PITPNA: variants seen among roughly 807,000 people sequenced by gnomAD.
The protein encoded by PITPNA is phosphatidylinositol transfer protein alpha isoform.
PITPNA carries 13 observed loss-of-function variants against 50.3 expected under a neutral mutation model. The observed-to-expected ratio is 0.26, with a 90% CI of 0.17 to 0.41. PITPNA has a LOEUF of 0.41. Among genes scored for constraint, PITPNA ranks in the 10% least tolerant of loss-of-function variants. The probability of loss-of-function intolerance (pLI) is 1.00; values close to 1 mark genes in which losing one functional copy is unlikely to be tolerated. For missense variants in PITPNA, 207 were observed against 333.4 expected, an observed-to-expected ratio of 0.62 and a Z score of 2.95; for synonymous variants, 120 against 119.6, an observed-to-expected ratio of 1.00 and a Z score of -0.02.
At chr17:1,539,259 C>T (rs2075635235) in intron 6 of PITPNA, among the ~76,000 whole-genome samples, 1 of 151,780 alleles carries the variant, frequency 6.6e-6, no homozygotes, top group Admixed American at 6.6e-5. Flanking sequence ...ATCCTCCTGC[C>T]TCAGCCTCCT....
intron 10 of PITPNA, among the ~76,000 whole-genome samples, chr17:1,527,182 C>G (rs1598403690): frequency 6.6e-6 from 1 of 152,174 alleles, no homozygotes; most frequent in African/African-American, 2.4e-5. Context: ...GCTATACATA[C>G]ACATATAATA....
intron 1 of PITPNA, among the ~76,000 whole-genome samples, chr17:1,560,917 C>T (rs1020373324): frequency 3.3e-5 from 5 of 152,166 alleles, no homozygotes; most frequent in African/African-American, 1.2e-4. Context: ...GTTACCCAAA[C>T]TCCACTCTAT....
rs780453759 is a variant in PITPNA at position 1,550,307 on chromosome 17, G to A, written c.198-1920C>T. Among the ~76,000 whole-genome samples, 8 of 152,326 alleles carry A rather than the reference G, an allele frequency of 5.3e-5. No homozygotes were observed. In the East Asian group the frequency reaches 7.7e-4, roughly 15 times the overall value. On this transcript the variant is annotated intron_variant, in intron 3 of 11. Transcript: ENST00000313486. The stretch of plus-strand genomic sequence containing the variant: ...CGGTGGGCACAGGGCCCTGGGTGGC[G>A]GAGTGCTGTGAGAACACAGTGGGGG...
intron 9 of PITPNA, 49 bp from the exon 10 acceptor site, chr17:1,534,270 G>A (rs1254825895): frequency 1.9e-6 from 3 of 1,611,148 alleles, no homozygotes; most frequent in East Asian, 4.5e-5. Flanking sequence ...AAAGGCTGCT[G>A]CCACAGCCCT....
chr17:1,522,412 G>A (rs1462885616), intron 10 of PITPNA, among the ~76,000 whole-genome samples: 6 of 151,554 alleles, frequency 4.0e-5, no homozygotes, highest in Non-Finnish European at 5.9e-5. Flanking sequence ...TTGCTCTGTC[G>A]CCCAGGCTGG....
chr17:1,546,071 G>A (rs770926760), intron 4 of PITPNA, among the ~76,000 whole-genome samples: 12 of 151,878 alleles, frequency 7.9e-5, no homozygotes, highest in Admixed American at 2.0e-4. Flanking sequence ...GGGGTTACAG[G>A]CATGCACCAC....
At chr17:1,560,527 G>A (rs1196897770) in intron 1 of PITPNA, among the ~76,000 whole-genome samples, 1 of 152,202 alleles carries the variant, frequency 6.6e-6, no homozygotes, top group Non-Finnish European at 1.5e-5. Flanking sequence ...AGGCTTCAAG[G>A]GGAGGAGAAC....
At chr17:1,534,959 C>A (rs995578685) in intron 9 of PITPNA, among the ~76,000 whole-genome samples, 7 of 152,210 alleles carry the variant, frequency 4.6e-5, no homozygotes, top group African/African-American at 1.7e-4. Flanking sequence ...CCATCTTCTT[C>A]ACTGGGCCAA....
intron 8 of PITPNA, 70 bp from the exon 9 acceptor site, chr17:1,535,362 C>T: frequency 6.7e-7 from 1 of 1,503,404 alleles, no homozygotes; most frequent in South Asian, 1.1e-5. Flanking sequence ...CCAGCTCACC[C>T]CAGCCATGCC....
intron 7 of PITPNA, among the ~76,000 whole-genome samples, chr17:1,537,305 T>C (rs2075624146): frequency 6.6e-6 from 1 of 152,124 alleles, no homozygotes; most frequent in South Asian, 2.1e-4. Context: ...CCTCGTGATC[T>C]GCCCACCTTG....
intron 1 of PITPNA, among the ~76,000 whole-genome samples, chr17:1,559,216 CA>C (rs2075755810): frequency 6.6e-6 from 1 of 152,208 alleles, no homozygotes; most frequent in Admixed American, 6.5e-5. Flanking sequence ...ACAAAGCCAC[CA>C]AGAGGGCATT....
In PITPNA at chr17:1,524,347, T is replaced by TC. The variant is rs1238142678; in HGVS notation, c.769-2703_769-2702insG. Among the ~76,000 whole-genome samples the TC allele has an allele frequency of 4.6e-5, 5 of 109,442 alleles. No homozygotes were observed. In the East Asian group the frequency reaches 1.3e-3, roughly 29 times the overall value. 71.8% of individuals were successfully genotyped at this position (109,442 alleles called of 152,430 possible). ...GCGTGAGCCATCGCACCTGGCCTTT[T>TC]TTTTTTTTTTTTTTTGAGACAGGGT... On this transcript the variant is annotated intron_variant, in intron 10 of 11. Transcript: ENST00000313486.
Position 1,562,498 on chromosome 17 carries a change from A to G in PITPNA, c.20+43T>C. On this transcript the variant is annotated intron_variant, in intron 1 of 11. Coordinates refer to ENST00000313486, the MANE Select transcript of PITPNA (RefSeq NM_006224.4). This position sits in a 1 kb window ranked among gnomAD's most constrained non-coding sequence, Gnocchi z 6.4. ...CGCCGTCGCCCCGGCGGCCGTCCCC[A>G]CCCTCCCTCCTCCCCGCTTCCGCAC... 9.9e-7 allele frequency: 1 copy of G among 1,009,040 alleles called. No homozygotes were observed. Among genetic ancestry groups the G allele is most frequent in the South Asian group, 1.7e-5 (1 of 59,212 alleles). 62.5% of individuals were successfully genotyped at this position (1,009,040 alleles called of 1,614,324 possible). A position where few individuals can be genotyped will look rare whatever the true frequency, so the allele number is the denominator to read the frequency against.
intron 5 of PITPNA, 35 bp downstream of exon 5, chr17:1,542,985 T>C: frequency 6.5e-7 from 1 of 1,537,664 alleles, no homozygotes; most frequent in Non-Finnish European, 8.9e-7. Context: ...TTCTTATACA[T>C]CATCTACAGT....
chr17:1,546,335 T>C (rs2151010603), intron 4 of PITPNA, among the ~76,000 whole-genome samples: 1 of 152,042 alleles, frequency 6.6e-6, no homozygotes, highest in East Asian at 1.9e-4. Context: ...AAGAAAACTC[T>C]AAGGGTTACA....
chr17:1,521,786 G>A, intron 10 of PITPNA, 141 bp from the exon 11 acceptor site: 1 of 689,176 alleles, frequency 1.5e-6, no homozygotes, highest in Non-Finnish European at 2.6e-6. Context: ...TCTGCATATG[G>A]ACTCGAAGCC....
chr17:1,522,295 T>C (rs2075519576), intron 10 of PITPNA, among the ~76,000 whole-genome samples: 1 of 149,992 alleles, frequency 6.7e-6, no homozygotes, highest in Admixed American at 6.6e-5. Flanking sequence ...ATGGTCTCGA[T>C]CTCCTGACCT....
At chr17:1,523,961 G>C (rs1299694158) in intron 10 of PITPNA, among the ~76,000 whole-genome samples, 1 of 148,384 alleles carries the variant, frequency 6.7e-6, no homozygotes. Flanking sequence ...ACCTGGCCTG[G>C]ATTGTATTCT....
intron 4 of PITPNA, among the ~76,000 whole-genome samples, chr17:1,545,066 T>G (rs766131220): frequency 6.6e-6 from 1 of 151,130 alleles, no homozygotes; most frequent in Non-Finnish European, 1.5e-5. Flanking sequence ...AGGACTATAG[T>G]TCCAGGAAGA....
Sources: allele counts gnomAD v4.1 joint callset (sites outside exome capture counted in the v4.1 genomes callset), GRCh38; gene constraint gnomAD v4.1.1; non-coding constraint Gnocchi (gnomAD v3.1); transcripts MANE v1.5; gene names NCBI Gene and HGNC (gene_info 2026-07-23, HGNC 2026-07-21).